The following PARVA variants were observed in gnomAD, a reference collection of about 807,000 sequenced individuals.
PARVA encodes the protein parvin alpha, also known as alpha-parvin.
PARVA carries 25 observed loss-of-function variants against 52.6 expected under a neutral mutation model. The observed-to-expected ratio is 0.48, with a 90% CI of 0.35 to 0.66. The LOEUF (loss-of-function observed/expected upper bound fraction) is 0.66, where lower values mean the gene tolerates loss of function less well. PARVA is among the 30% of genes least tolerant of loss of function. PARVA has a pLI of 0.01. For synonymous variants in PARVA, 185 were observed against 179.1 expected (o/e 1.03, Z -0.26); for missense variants, 373 against 450.9 (o/e 0.83, Z 1.56).
intron 1 of PARVA, among the ~76,000 whole-genome samples, chr11:12,429,768 G>A (rs752628073): frequency 3.9e-4 from 59 of 152,220 alleles, no homozygotes; most frequent in African/African-American, 1.0e-3. Flanking sequence ...AGACCTTGGC[G>A]ATGACCTTGA....
chr11:12,513,715 C>G lies in PARVA; in HGVS notation c.799-282C>G, dbSNP rs541883840. 2.2e-4 allele frequency: 128 copies of G among 586,082 alleles called. No individual in the cohort carries two copies. The African/African-American group carries it at 2.3e-3, about 11-fold the overall frequency. 36.3% of individuals were successfully genotyped at this position (586,082 alleles called of 1,614,324 possible). ...GTGGAATCATTTTATTTCAGTTCCC[C>G]CACCCAGACACTGGCTCAGACACTC... On this transcript the variant is annotated intron_variant, in intron 9 of 12. Coordinates refer to ENST00000334956, the MANE Select transcript of PARVA (RefSeq NM_018222.5).
At chr11:12,377,419 C>A (rs1472442997), upstream of PARVA, 7 of 1,370,678 alleles carry the variant, frequency 5.1e-6, no homozygotes, top group Non-Finnish European at 9.3e-7. Flanking sequence ...AACCCAGGGG[C>A]GCAAGGCGCG....
intron 1 of PARVA, among the ~76,000 whole-genome samples, chr11:12,396,688 C>T (rs61875445): frequency 6.6e-6 from 1 of 152,210 alleles, no homozygotes; most frequent in East Asian, 1.9e-4. Flanking sequence ...TCGCATGGAA[C>T]TTCCTCTTGT....
At chr11:12,437,500 A>C (rs1282795839) in intron 1 of PARVA, among the ~76,000 whole-genome samples, 1 of 152,254 alleles carries the variant, frequency 6.6e-6, no homozygotes, top group African/African-American at 2.4e-5. Context: ...TTCTCACTAG[A>C]ATATGAGCTC....
chr11:12,521,059 CTCA>C (rs1186266477), intron 12 of PARVA, among the ~76,000 whole-genome samples: 1 of 152,218 alleles, frequency 6.6e-6, no homozygotes, highest in African/African-American at 2.4e-5. Context: ...TTCAAGTAGA[CTCA>C]TCATCAATTA....
Position 12,513,304 on chromosome 11 carries a change from G to T in PARVA, c.742G>T (p.Asp248Tyr). The T allele has an allele frequency of 6.2e-7, 1 of 1,613,448 alleles. No individual in the cohort carries two copies. Among genetic ancestry groups the T allele is most frequent in the South Asian group, 1.1e-5 (1 of 91,008 alleles). Residue 248 changes from aspartate (D) to tyrosine (Y), a missense_variant, in exon 9 of 13, where the codon GAT becomes TAT. By Grantham distance (160) the Asp-to-Tyr change is radical (BLOSUM62 -3). Coordinates refer to ENST00000334956, the MANE Select transcript of PARVA (RefSeq NM_018222.5). ...TEALSGRHER[D>Y]AFDTLFDHAP... ...TGTGTTTCCCTCTTTTTCAGAACGTGATGCCTTTGACACCTTGTTCGACCA... is the reference window on the plus strand; with the variant it reads ...TGTGTTTCCCTCTTTTTCAGAACGTTATGCCTTTGACACCTTGTTCGACCA...
chr11:12,518,296 C>T, intron 11 of PARVA, 149 bp from the exon 12 acceptor site: 1 of 643,994 alleles, frequency 1.6e-6, no homozygotes, highest in Non-Finnish European at 2.8e-6. Flanking sequence ...CTCCAGGTGG[C>T]CTGCCCATTT....
intron 1 of PARVA, among the ~76,000 whole-genome samples, chr11:12,468,785 C>T (rs1464473215): frequency 6.6e-6 from 1 of 152,162 alleles, no homozygotes; most frequent in East Asian, 1.9e-4. Flanking sequence ...AAAATGGCTG[C>T]AACAAATCCA....
chr11:12,469,638 C>T (rs1940904784), intron 1 of PARVA, among the ~76,000 whole-genome samples: 1 of 152,350 alleles, frequency 6.6e-6, no homozygotes, highest in Non-Finnish European at 1.5e-5. Flanking sequence ...GCCAGGCCTG[C>T]ACTGGGCAGT....
At chr11:12,519,607 A>G (rs749721800) in intron 12 of PARVA, among the ~76,000 whole-genome samples, 10 of 152,144 alleles carry the variant, frequency 6.6e-5, no homozygotes, top group South Asian at 4.1e-4. Flanking sequence ...GCTCAACCAT[A>G]AGGACCAGGT....
chr11:12,390,645 A>G (rs903212), intron 1 of PARVA, among the ~76,000 whole-genome samples: 114,630 of 152,096 alleles, frequency 0.75, 45,737 homozygotes, highest in East Asian at 0.93. Flanking sequence ...GAGGCTCACA[A>G]AGGGACCCTG....
chr11:12,456,208 G>A (rs1940691790), intron 1 of PARVA, among the ~76,000 whole-genome samples: 1 of 152,208 alleles, frequency 6.6e-6, no homozygotes, highest in Admixed American at 6.5e-5. Flanking sequence ...CAGGGAAAGG[G>A]TAAACCAAGA....
intron 4 of PARVA, among the ~76,000 whole-genome samples, chr11:12,481,627 A>T (rs928925519): frequency 6.6e-6 from 1 of 152,192 alleles, no homozygotes; most frequent in Non-Finnish European, 1.5e-5. Flanking sequence ...CAGCATAAAT[A>T]ACCAAACATC....
intron 4 of PARVA, among the ~76,000 whole-genome samples, chr11:12,482,167 A>AAAAAAAG (rs1941096922): frequency 6.6e-6 from 1 of 151,564 alleles, no homozygotes; most frequent in African/African-American, 2.4e-5. Context: ...AAAAAAAAAA[A>AAAAAAAG]AAAAAGAAAA....
intron 1 of PARVA, among the ~76,000 whole-genome samples, chr11:12,432,858 C>A (rs1045361416): frequency 6.6e-6 from 1 of 152,120 alleles, no homozygotes. Context: ...AATCCATTCC[C>A]AGAAAACTGA....
intron 1 of PARVA, among the ~76,000 whole-genome samples, chr11:12,395,592 C>T (rs945084645): frequency 6.6e-6 from 1 of 152,234 alleles, no homozygotes; most frequent in Non-Finnish European, 1.5e-5. Flanking sequence ...TGACACATAT[C>T]TTGCTTGAAA....
At chr11:12,399,953 G>C (rs1452373642) in intron 1 of PARVA, among the ~76,000 whole-genome samples, 1 of 151,988 alleles carries the variant, frequency 6.6e-6, no homozygotes, top group Non-Finnish European at 1.5e-5. Flanking sequence ...AAATTTCCTA[G>C]AATGGAATTA....
chr11:12,526,724 T>G (rs942216673), intron 12 of PARVA, among the ~76,000 whole-genome samples: 5 of 152,206 alleles, frequency 3.3e-5, no homozygotes, highest in African/African-American at 1.2e-4. Flanking sequence ...TCTTTATAAT[T>G]TTATTACCTA....
intron 1 of PARVA, among the ~76,000 whole-genome samples, chr11:12,403,408 A>C (rs989833594): frequency 6.6e-6 from 1 of 152,194 alleles, no homozygotes; most frequent in African/African-American, 2.4e-5. Flanking sequence ...AGGCTTTTGC[A>C]TGGTGATGAT....
Sources: allele counts gnomAD v4.1 joint callset (sites outside exome capture counted in the v4.1 genomes callset), GRCh38; gene constraint gnomAD v4.1.1; transcripts MANE v1.5; gene names NCBI Gene and HGNC (gene_info 2026-07-23, HGNC 2026-07-21).